Variants in CROCC2 observed in about 807,000 individuals in gnomAD.
The protein encoded by CROCC2 is ciliary rootlet coiled-coil, rootletin family member 2.
A neutral mutation model predicts 177.6 loss-of-function variants in CROCC2; 163 were observed. The ratio of observed to expected loss-of-function variants is 0.92; its 90% CI spans 0.81 to 1.05. CROCC2 has a LOEUF of 1.05. Ranked by LOEUF, CROCC2 falls within the 50% of genes least tolerant of loss-of-function variation. The probability of loss-of-function intolerance (pLI) is 0.00; values close to 1 mark genes in which losing one functional copy is unlikely to be tolerated. For missense variants in CROCC2, 1,929 were observed against 1,797.8 expected (o/e 1.07, Z -1.32); for synonymous variants, 904 against 787.3 (o/e 1.15, Z -2.48).
intron 27 of CROCC2, among the ~76,000 whole-genome samples, chr2:240,971,449 G>A (rs893124915): frequency 2.6e-5 from 4 of 152,172 alleles, no homozygotes; most frequent in South Asian, 2.1e-4. Flanking sequence ...GCTTTCATTC[G>A]ATTCCAGGCT....
At chr2:240,957,356 A>G (rs1285601201) in intron 19 of CROCC2, 1 of 152,268 alleles carries the variant, frequency 6.6e-6, no homozygotes, top group Non-Finnish European at 1.5e-5. Flanking sequence ...AGGGTTGGAC[A>G]CCTACCTGAC....
intron 27 of CROCC2, 22 bp downstream of exon 27, chr2:240,968,284 G>A: frequency 6.6e-7 from 1 of 1,515,828 alleles, no homozygotes; most frequent in African/African-American, 1.4e-5. Flanking sequence ...GGCAGGGTGG[G>A]TCCCAGGTGG....
Position 240,935,364 on chromosome 2 carries a change from C to T in CROCC2, c.1945C>T (p.Gln649Ter). ...CCCCGACACCTGGTGGCAGCTGGAGCAGGAGCGGGACCAGCTGCGGGAACA... is the reference window on the plus strand; with the variant it reads ...CCCCGACACCTGGTGGCAGCTGGAGTAGGAGCGGGACCAGCTGCGGGAACA... ...ALNHLALQLEQERDQLREQRK... is the reference protein window; with the variant it reads ...ALNHLALQLE Residue 649 changes from glutamine (Q) to a stop codon, truncating the protein, a stop_gained, in exon 14 of 32, where the codon CAG becomes TAG. Transcript: ENST00000690015. LOFTEE classifies it high-confidence loss of function. 7.4e-7 allele frequency: 1 copy of T among 1,354,936 alleles called. No individual in the cohort carries two copies. The allele number at this position is 1,354,936 out of a possible 1,614,324, so 83.9% of individuals were successfully genotyped here. A position where few individuals can be genotyped will look rare whatever the true frequency, so the allele number is the denominator to read the frequency against.
At chr2:240,989,950 C>T (rs2059866684) in intron 30 of CROCC2, 117 bp downstream of exon 30, 2 of 985,960 alleles carry the variant, frequency 2.0e-6, no homozygotes, top group Admixed American at 2.9e-5. Flanking sequence ...AGGGGCTCTC[C>T]ACTGCCACCC....
At chr2:240,966,835 G>A (rs957292253) in intron 25 of CROCC2, among the ~76,000 whole-genome samples, 9 of 152,138 alleles carry the variant, frequency 5.9e-5, no homozygotes, top group Non-Finnish European at 1.0e-4. Context: ...ACCCGTGAGC[G>A]GCCCCCTCCC....
Position 240,953,300 on chromosome 2 carries a change from C to G in CROCC2, c.2830-2559C>G, listed in dbSNP as rs748304112. Among the ~76,000 whole-genome samples, 1 of 151,686 alleles carries G rather than the reference C, an allele frequency of 6.6e-6. No individual in the cohort carries two copies. Among genetic ancestry groups the G allele is most frequent in the Non-Finnish European group, 1.5e-5 (1 of 67,900 alleles). On this transcript the variant is annotated intron_variant, in intron 18 of 31. Transcript: ENST00000690015. The surrounding 1 kb of genome is among the most constrained non-coding windows in gnomAD (Gnocchi z 4.0). Reference sequence around the variant, plus strand: ...TGTGGTGGTGGGTGCCTGTAATCCCCGCTACTCAGGAGGCTGAGGCAGGAG... The same window carrying G: ...TGTGGTGGTGGGTGCCTGTAATCCCGGCTACTCAGGAGGCTGAGGCAGGAG...
intron 14 of CROCC2, among the ~76,000 whole-genome samples, chr2:240,937,769 C>T (rs1451955416): frequency 1.3e-5 from 2 of 152,208 alleles, no homozygotes; most frequent in African/African-American, 4.8e-5. Flanking sequence ...TGTCTCCCCA[C>T]TTAAATCTCA....
rs1423408413 is a variant in CROCC2, at chr2:240,949,171, G to A, written c.2482+74G>A. The stretch of plus-strand genomic sequence containing the variant: ...AGGGGCCCCTGGAATGGAGCTCAGT[G>A]CCCACACGTGCTGCACCCCCTCTCC... On this transcript the variant is annotated intron_variant, in intron 16 of 31. Transcript: ENST00000690015. This position sits in a 1 kb window ranked among gnomAD's most constrained non-coding sequence, Gnocchi z 4.5. 14 of 1,459,778 alleles carry A rather than the reference G, an allele frequency of 9.6e-6. No individual in the cohort carries two copies. The highest frequency in any genetic ancestry group is 1.1e-5 in the Non-Finnish European group (12 of 1,109,960). 90.4% of individuals were successfully genotyped at this position (1,459,778 alleles called of 1,614,324 possible).
Position 240,935,397 on chromosome 2 carries a change from A to G in CROCC2, c.1978A>G (p.Thr660Ala). Reference sequence around the variant, plus strand: ...GGACCAGCTGCGGGAACAGCGGAAGACTCTGGAGCAGGAACGGGCCCGGGC... The same window carrying G: ...GGACCAGCTGCGGGAACAGCGGAAGGCTCTGGAGCAGGAACGGGCCCGGGC... ...ERDQLREQRK[T>A]LEQERARAGE... The change falls in exon 14 of 32, where the codon ACT becomes GCT. Residue 660 changes from threonine (T) to alanine (A), a missense_variant. Thr to Ala is a moderately conservative substitution (Grantham distance 58). Transcript: ENST00000690015. The G allele has an allele frequency of 1.5e-6, 2 of 1,366,708 alleles. No individual in the cohort carries two copies. The highest frequency in any genetic ancestry group is 1.9e-5 in the South Asian group (1 of 53,098). The allele number at this position is 1,366,708 out of a possible 1,614,324, so 84.7% of individuals were successfully genotyped here. A position where few individuals can be genotyped will look rare whatever the true frequency, so the allele number is the denominator to read the frequency against.
Position 240,986,324 on chromosome 2 carries a change from G to C in CROCC2, c.4552-2415G>C, listed in dbSNP as rs1024577351. On this transcript the variant is annotated intron_variant, in intron 28 of 31. Transcript: ENST00000690015. The stretch of plus-strand genomic sequence containing the variant: ...CTTTTGGAGGGGCTGCCTCCAGCTC[G>C]GCATCCATGGGCCCTGTTGCCCACT... Among the ~76,000 whole-genome samples, 20 of 152,268 alleles carry C rather than the reference G, an allele frequency of 1.3e-4. 2 individuals carry two copies. The highest frequency in any genetic ancestry group is 2.1e-4 in the Non-Finnish European group (14 of 67,998).
intron 8 of CROCC2, 60 bp downstream of exon 8, chr2:240,932,474 C>A: frequency 1.4e-6 from 1 of 714,864 alleles, no homozygotes; most frequent in South Asian, 1.5e-5. Context: ...GCTCAGGAGT[C>A]TCCCCTGCCA....
intron 15 of CROCC2, among the ~76,000 whole-genome samples, chr2:240,947,254 C>T (rs557971066): frequency 5.9e-5 from 9 of 152,344 alleles, no homozygotes; most frequent in Admixed American, 5.2e-4. Flanking sequence ...GAGGCTGCTG[C>T]GGGTTGGGCT....
At chr2:240,991,117 GA>G in intron 30 of CROCC2, 78 bp from the exon 31 acceptor site, 1 of 1,071,956 alleles carries the variant, frequency 9.3e-7, no homozygotes, top group Non-Finnish European at 1.3e-6. Context: ...TCCTGTCACA[GA>G]GCCCTCCATG....
intron 19 of CROCC2, chr2:240,957,866 C>T: frequency 1.7e-6 from 1 of 586,468 alleles, no homozygotes; most frequent in Non-Finnish European, 2.1e-6. Flanking sequence ...TCCTCCCGAC[C>T]ACTGGCCCAG....
At chr2:240,915,585 T>C (rs993773158) in intron 1 of CROCC2, among the ~76,000 whole-genome samples, 12 of 152,166 alleles carry the variant, frequency 7.9e-5, no homozygotes, top group Non-Finnish European at 1.8e-4. Flanking sequence ...CCAACTCTTT[T>C]AGAGGGGAGC....
rs59382864 is a variant in CROCC2 at position 240,935,085 on chromosome 2, G to A, written c.1938+23G>A. On this transcript the variant is annotated intron_variant, in intron 13 of 31. Coordinates refer to ENST00000690015, the MANE Select transcript of CROCC2 (RefSeq NM_001351305.2). ...CAGGTGAGACAAGGGCCAGTGGGGC[G>A]GGCCTCGCTGGAACCTGTTTCCCAG... is the stretch of plus-strand genomic sequence containing the variant. 9,891 of 1,327,918 alleles carry A rather than the reference G, an allele frequency of 7.4e-3. 580 individuals carry two copies. The African/African-American group carries it at 0.13, about 18-fold the overall frequency. 82.3% of individuals were successfully genotyped at this position (1,327,918 alleles called of 1,614,324 possible).
At chr2:240,937,438 C>T (rs1390410324) in intron 14 of CROCC2, among the ~76,000 whole-genome samples, 2 of 152,130 alleles carry the variant, frequency 1.3e-5, no homozygotes, top group East Asian at 3.8e-4. Context: ...AGATACATGT[C>T]CTATGACTAT....
rs529301268 is a variant in CROCC2, at chr2:240,965,376, C to G, written c.3466-5C>G. On this transcript the variant is annotated splice_region_variant and splice_polypyrimidine_tract_variant and intron_variant, in intron 22 of 31. Transcript: ENST00000690015. The stretch of plus-strand genomic sequence containing the variant: ...GACCCTGTCCGTGCGGCCCCACGCT[C>G]CCAGGTGAGGACACTGAAGGCCGAG... The G allele has an allele frequency of 6.5e-7, 1 of 1,549,218 alleles. No individual in the cohort carries two copies. The highest frequency in any genetic ancestry group is 2.0e-5 in the Admixed American group (1 of 50,992).
rs59671913 is a variant in CROCC2 at position 240,956,489 on chromosome 2, C to A, written c.2943+517C>A. 0.013 allele frequency: 2,088 copies of A among 158,012 alleles called. 95 individuals carry two copies. The East Asian group carries it at 0.15, about 12-fold the overall frequency. The allele number at this position is 158,012 out of a possible 1,614,324, so 9.8% of individuals were successfully genotyped here. A position where few individuals can be genotyped will look rare whatever the true frequency, so the allele number is the denominator to read the frequency against. ...AGCGGAGCCAGGAGAGAAGCGTCCG[C>A]GGAGGGGCTAGGACAGCCCCCCAGC... is the stretch of plus-strand genomic sequence containing the variant. On this transcript the variant is annotated intron_variant, in intron 19 of 31. Coordinates refer to ENST00000690015, the MANE Select transcript of CROCC2 (RefSeq NM_001351305.2).
Sources: allele counts gnomAD v4.1 joint callset (sites outside exome capture counted in the v4.1 genomes callset), GRCh38; gene constraint gnomAD v4.1.1; non-coding constraint Gnocchi (gnomAD v3.1); transcripts MANE v1.5; gene names NCBI Gene and HGNC (gene_info 2026-07-23, HGNC 2026-07-21).